The following ANK3 variants were observed in gnomAD, a reference collection of about 807,000 sequenced individuals.
The protein encoded by ANK3 is ankyrin-3.
ANK3 carries 57 observed loss-of-function variants against 370.9 expected under a neutral mutation model. That is an observed-to-expected ratio of 0.15 (90% CI 0.12 to 0.19). ANK3 has a LOEUF of 0.19. Ranked by LOEUF, ANK3 falls within the 10% of genes least tolerant of loss-of-function variation. ANK3 has a pLI of 1.00. For missense variants in ANK3, 4,439 were observed against 5,302.1 expected, an observed-to-expected ratio of 0.84 and a Z score of 5.06; for synonymous variants, 1,929 against 1,946.3, an observed-to-expected ratio of 0.99 and a Z score of 0.23.
At chr10:60,549,116 TG>T (rs1274046876) in intron 2 of ANK3, among the ~76,000 whole-genome samples, 7 of 146,864 alleles carry the variant, frequency 4.8e-5, no homozygotes, top group Non-Finnish European at 1.0e-4. Flanking sequence ...GCTACACAAA[TG>T]AGTGAGAGAA....
intron 2 of ANK3, among the ~76,000 whole-genome samples, chr10:60,608,527 A>G (rs2078159254): frequency 1.3e-5 from 2 of 152,172 alleles, no homozygotes; most frequent in South Asian, 2.1e-4. Context: ...ATCATGTCAA[A>G]GCTCCTCCCC....
rs1347736649 is a variant in ANK3 at position 60,070,271 on chromosome 10, G to A, written c.10610C>T (p.Thr3537Ile). The A allele has an allele frequency of 6.2e-7, 1 of 1,614,080 alleles. No individual in the cohort carries two copies. The highest frequency in any genetic ancestry group is 8.5e-7 in the Non-Finnish European group (1 of 1,180,002). ...CCAAGGGTCAAAATCTAGACCTTTG[G>A]TAGCTACTGTTTTAAAAGGAGTGGC... Reference protein sequence around the residue: ...EFATPFKTVATKGLDFDPWSN... With the variant: ...EFATPFKTVAIKGLDFDPWSN... Residue 3537 changes from threonine (T) to isoleucine (I), a missense_variant, in exon 37 of 44, where the codon ACC (threonine) becomes ATC (isoleucine). By Grantham distance (89) the Thr-to-Ile change is moderately conservative. This residue lies in a region of ANK3 where 1,601 missense variants were observed against 1,731.7 expected (regional missense o/e 0.92). Transcript: ENST00000280772. This position sits in a 1 kb window ranked among gnomAD's most constrained non-coding sequence, Gnocchi z 5.7.
chr10:60,137,930 T>G (rs983755226), intron 24 of ANK3, among the ~76,000 whole-genome samples: 2 of 152,168 alleles, frequency 1.3e-5, no homozygotes, highest in African/African-American at 4.8e-5. Flanking sequence ...CCTAAAAGAT[T>G]GCATATTTTT....
intron 1 of ANK3, among the ~76,000 whole-genome samples, chr10:60,668,503 G>T (rs1394387245): frequency 2.0e-5 from 3 of 146,702 alleles, no homozygotes; most frequent in African/African-American, 8.3e-5. Context: ...GGCATCGGGG[G>T]TGGGCTTTTC....
intron 5 of ANK3, among the ~76,000 whole-genome samples, chr10:60,265,194 C>A (rs1358389508): frequency 6.6e-6 from 1 of 151,816 alleles, no homozygotes; most frequent in Admixed American, 6.6e-5. Context: ...CAATAAATTT[C>A]AAAAAAAGCA....
At chr10:60,042,002 T>C (rs1027513970) in intron 43 of ANK3, among the ~76,000 whole-genome samples, 1 of 152,206 alleles carries the variant, frequency 6.6e-6, no homozygotes, top group East Asian at 1.9e-4. Context: ...TAGAGGACTT[T>C]CTTTTTCACC....
intron 2 of ANK3, among the ~76,000 whole-genome samples, chr10:60,493,810 C>T (rs1387285943): frequency 6.6e-6 from 1 of 152,034 alleles, no homozygotes; most frequent in African/African-American, 2.4e-5. Flanking sequence ...GATAAAATCA[C>T]ACAGAGAGTA....
chr10:60,529,516 C>T (rs1311346322), intron 2 of ANK3, among the ~76,000 whole-genome samples: 20 of 152,072 alleles, frequency 1.3e-4, no homozygotes, highest in Admixed American at 1.2e-3. Context: ...GGCTCAGGTG[C>T]ACGCACTCCA....
chr10:60,530,700 G>A (rs1006821525), intron 2 of ANK3, among the ~76,000 whole-genome samples: 1 of 152,062 alleles, frequency 6.6e-6, no homozygotes, highest in Non-Finnish European at 1.5e-5. Flanking sequence ...CATTCATAAG[G>A]GAACGCACAC....
At chr10:60,202,955 T>C (rs758191158) in intron 12 of ANK3, 47 bp downstream of exon 12, 3 of 1,373,630 alleles carry the variant, frequency 2.2e-6, no homozygotes, top group Non-Finnish European at 3.0e-6. Context: ...CCTTTGCCAG[T>C]TTATTAAATA....
intron 1 of ANK3, among the ~76,000 whole-genome samples, chr10:60,285,047 C>T (rs1345322814): frequency 2.6e-5 from 4 of 152,164 alleles, no homozygotes; most frequent in South Asian, 4.1e-4. Flanking sequence ...AAGTGATGAT[C>T]GCCTCTATTT....
At chr10:60,699,163 A>C (rs2079511961) in intron 1 of ANK3, among the ~76,000 whole-genome samples, 1 of 151,952 alleles carries the variant, frequency 6.6e-6, no homozygotes, top group African/African-American at 2.4e-5. Context: ...AGAAGACTAC[A>C]AAAAGGGTGC....
In ANK3 at chr10:60,026,479, G is replaced by C. The variant is rs2072410127; in HGVS notation, c.*3367C>G. ...AGTTTTTGGATCACTGGCTTCTTCA[G>C]AGAGACTCAGAAGATGCCTTATTAT... On this transcript the variant is annotated 3_prime_UTR_variant, in exon 44 of 44. Transcript: ENST00000280772. 6.6e-6 allele frequency: 1 copy of C among 152,200 alleles called. No individual in the cohort carries two copies. Among genetic ancestry groups the C allele is most frequent in the Non-Finnish European group, 1.5e-5 (1 of 68,034 alleles). The allele number at this position is 152,200 out of a possible 1,614,324, so 9.4% of individuals were successfully genotyped here.
rs1342286501 is a variant in ANK3, at chr10:60,070,591, A to C, written c.10290T>G (p.Ser3430Arg). 2 of 1,613,744 alleles carry C rather than the reference A, an allele frequency of 1.2e-6. No homozygotes were observed. Among genetic ancestry groups the C allele is most frequent in the Non-Finnish European group, 1.7e-6 (2 of 1,179,972 alleles). Reference sequence around the variant, plus strand: ...TGGCTTGAATTGGGAGTTTAGAATCACTCTCTGTCAAGCCATCATCTTCAT... The same window carrying C: ...TGGCTTGAATTGGGAGTTTAGAATCCCTCTCTGTCAAGCCATCATCTTCAT... Reference protein sequence around the residue: ...LQDEDDGLTESDSKLPIQAME... With the variant: ...LQDEDDGLTERDSKLPIQAME... Residue 3430 changes from serine to arginine, a missense_variant, in exon 37 of 44, where the codon AGT becomes AGG. This residue lies in a region of ANK3 where 1,601 missense variants were observed against 1,731.7 expected (regional missense o/e 0.92). Coordinates refer to ENST00000280772, the MANE Select transcript of ANK3 (RefSeq NM_020987.5). This position sits in a 1 kb window ranked among gnomAD's most constrained non-coding sequence, Gnocchi z 5.7.
intron 2 of ANK3, among the ~76,000 whole-genome samples, chr10:60,405,356 G>C (rs2063432965): frequency 6.6e-6 from 1 of 152,136 alleles, no homozygotes; most frequent in East Asian, 1.9e-4. Context: ...TACTGTTACT[G>C]AGCATATTAT....
At chr10:60,101,291 A>G (rs1490194551) in intron 28 of ANK3, among the ~76,000 whole-genome samples, 1 of 152,036 alleles carries the variant, frequency 6.6e-6, no homozygotes, top group Non-Finnish European at 1.5e-5. Flanking sequence ...ACATTTCTGG[A>G]GCTTTTGGTT....
chr10:60,643,500 A>ATATCTATCTATCTATCTATCTATC (rs61461746), intron 1 of ANK3, among the ~76,000 whole-genome samples: 8 of 146,716 alleles, frequency 5.5e-5, no homozygotes, highest in Non-Finnish European at 7.5e-5. Flanking sequence ...ACTCCCCTTT[A>ATATCTATCTATCTATCTATCTATC]TATCTATCTA....
intron 1 of ANK3, among the ~76,000 whole-genome samples, chr10:60,644,982 T>C (rs1368963186): frequency 6.6e-6 from 1 of 151,954 alleles, no homozygotes; most frequent in Non-Finnish European, 1.5e-5. Context: ...GTAATTGTCG[T>C]CTACATGGTT....
At chr10:60,510,164 C>A (rs2076043729) in intron 2 of ANK3, among the ~76,000 whole-genome samples, 1 of 152,002 alleles carries the variant, frequency 6.6e-6, no homozygotes, top group Non-Finnish European at 1.5e-5. Context: ...AAAATATTTG[C>A]AATCATTAAG....
Sources: gnomAD v4.1 joint callset for allele counts (sites outside exome capture counted in the v4.1 genomes callset) on GRCh38, gnomAD v4.1.1 for gene constraint, gnomAD v4.1.1 regional missense constraint, Gnocchi (gnomAD v3.1) non-coding constraint, MANE v1.5 for transcripts, NCBI Gene and HGNC (gene_info 2026-07-23, HGNC 2026-07-21) for gene names.